Variants in TBC1D5 observed in about 807,000 individuals in gnomAD.
TBC1D5 encodes TBC1 domain family member 5, also known as TBC1 domain family, member 5.
A neutral mutation model predicts 100.3 loss-of-function variants in TBC1D5; 75 were observed. That is an observed-to-expected ratio of 0.75 (90% CI 0.62 to 0.91). TBC1D5 has a LOEUF of 0.91. Among genes scored for constraint, TBC1D5 ranks in the 40% least tolerant of loss-of-function variants. TBC1D5 has a pLI of 0.00. For synonymous variants in TBC1D5, 323 were observed against 325.6 expected (o/e 0.99, Z 0.09); for missense variants, 910 against 942.4 (o/e 0.97, Z 0.45).
intron 18 of TBC1D5, among the ~76,000 whole-genome samples, chr3:17,203,446 A>G (rs2071740838): frequency 6.6e-6 from 1 of 152,202 alleles, no homozygotes; most frequent in Non-Finnish European, 1.5e-5. Context: ...GAGTTAAGAC[A>G]GGACTGTTGA....
chr3:17,735,282 A>T (rs2153994543), intron 1 of TBC1D5, among the ~76,000 whole-genome samples: 1 of 152,320 alleles, frequency 6.6e-6, no homozygotes, highest in East Asian at 1.9e-4. Flanking sequence ...AGGACTACTT[A>T]TGGTACATTC....
At chr3:17,711,137 G>A (rs1056675321) in intron 1 of TBC1D5, among the ~76,000 whole-genome samples, 5 of 152,042 alleles carry the variant, frequency 3.3e-5, no homozygotes, top group Admixed American at 6.6e-5. Context: ...TGAGATGGTC[G>A]TATGAGGCAA....
At chr3:17,217,893 T>C (rs1271368068) in intron 17 of TBC1D5, among the ~76,000 whole-genome samples, 4 of 152,058 alleles carry the variant, frequency 2.6e-5, no homozygotes, top group Non-Finnish European at 4.4e-5. Context: ...TTTTTTCTTT[T>C]GTTGCTTGTG....
chr3:17,387,708 A>G (rs2093210139), intron 8 of TBC1D5, among the ~76,000 whole-genome samples: 1 of 151,646 alleles, frequency 6.6e-6, no homozygotes, highest in African/African-American at 2.4e-5. Context: ...AGTAATTTGA[A>G]CATCAGTCTA....
intron 1 of TBC1D5, among the ~76,000 whole-genome samples, chr3:17,654,806 G>A (rs1274668092): frequency 6.6e-6 from 1 of 151,988 alleles, no homozygotes; most frequent in Non-Finnish European, 1.5e-5. Context: ...CTTTTTGGTT[G>A]GTAAGCTATT....
chr3:17,521,025 C>A (rs1381618221), intron 2 of TBC1D5, among the ~76,000 whole-genome samples: 1 of 152,156 alleles, frequency 6.6e-6, no homozygotes, highest in Non-Finnish European at 1.5e-5. Context: ...TCCACAGAAT[C>A]TTGTTTTTCA....
intron 2 of TBC1D5, chr3:17,562,115 G>T (rs2096562966): frequency 6.6e-6 from 1 of 151,956 alleles, no homozygotes; most frequent in South Asian, 2.1e-4. Context: ...CTATATTCCA[G>T]CCTGGATGAC....
intron 18 of TBC1D5, among the ~76,000 whole-genome samples, chr3:17,186,214 G>GA (rs1397053786): frequency 6.7e-5 from 10 of 148,272 alleles, no homozygotes; most frequent in South Asian, 4.3e-4. Context: ...AAAAAAGAAG[G>GA]AAAAAAAAAC....
At chr3:17,550,236 T>C (rs2096460720) in intron 2 of TBC1D5, among the ~76,000 whole-genome samples, 1 of 152,124 alleles carries the variant, frequency 6.6e-6, no homozygotes, top group Non-Finnish European at 1.5e-5. Context: ...ACTAAAGTAT[T>C]TGTTAGGAAA....
rs148468556 is a variant in TBC1D5 at position 17,427,122 on chromosome 3, A to G, written c.167+1328T>C. ...CTTTATATTATACTTCAGGACTCAG[A>G]AAGCATTTGGACAATTCCAATATTT... On this transcript the variant is annotated intron_variant, in intron 4 of 21. Transcript: ENST00000253692. Among the ~76,000 whole-genome samples the G allele has an allele frequency of 8.0e-3, 1,218 of 152,106 alleles. 9 individuals carry two copies. The highest frequency in any genetic ancestry group is 0.012 in the Non-Finnish European group (826 of 67,856).
intron 12 of TBC1D5, 35 bp downstream of exon 12, chr3:17,374,436 G>A (rs1295087286): frequency 1.9e-6 from 3 of 1,581,716 alleles, no homozygotes; most frequent in Admixed American, 3.5e-5. Context: ...TTGCTCCATA[G>A]CATATACTGA....
chr3:17,725,623 T>C (rs970400159), intron 1 of TBC1D5, among the ~76,000 whole-genome samples: 2 of 152,198 alleles, frequency 1.3e-5, no homozygotes, highest in Admixed American at 6.5e-5. Context: ...CTCCTCAGAA[T>C]GTGGCAAATG....
intron 2 of TBC1D5, among the ~76,000 whole-genome samples, chr3:17,611,853 G>A (rs1180301137): frequency 6.6e-6 from 1 of 152,188 alleles, no homozygotes; most frequent in East Asian, 1.9e-4. Flanking sequence ...ATTATCTCAA[G>A]TAGTTCTATC....
chr3:17,665,671 T>A (rs2067181076), intron 1 of TBC1D5, among the ~76,000 whole-genome samples: 2 of 152,228 alleles, frequency 1.3e-5, no homozygotes, highest in African/African-American at 4.8e-5. Flanking sequence ...TTTTTCCTGA[T>A]CAGTGTGCTG....
intron 2 of TBC1D5, among the ~76,000 whole-genome samples, chr3:17,593,036 G>A (rs2060333934): frequency 6.6e-6 from 1 of 152,138 alleles, no homozygotes; most frequent in African/African-American, 2.4e-5. Context: ...GTATACACAT[G>A]ATCGGACTCA....
intron 2 of TBC1D5, among the ~76,000 whole-genome samples, chr3:17,536,555 G>T (rs2096283424): frequency 6.6e-6 from 1 of 152,126 alleles, no homozygotes; most frequent in South Asian, 2.1e-4. Context: ...AAATTGTAAA[G>T]GGTTTATTCT....
intron 15 of TBC1D5, among the ~76,000 whole-genome samples, chr3:17,268,551 T>C (rs1353390619): frequency 6.6e-6 from 1 of 152,158 alleles, no homozygotes; most frequent in Non-Finnish European, 1.5e-5. Flanking sequence ...GTGGCTGGTA[T>C]GATCATTAGT....
At chr3:17,485,988 T>C (rs2095561519) in intron 3 of TBC1D5, among the ~76,000 whole-genome samples, 1 of 152,002 alleles carries the variant, frequency 6.6e-6, no homozygotes. Context: ...TTTCTCCACA[T>C]CCTCTCCAGC....
At chr3:17,213,094 A>G (rs1195106934) in intron 18 of TBC1D5, among the ~76,000 whole-genome samples, 1 of 152,150 alleles carries the variant, frequency 6.6e-6, no homozygotes, top group Non-Finnish European at 1.5e-5. Context: ...TTTTTCCTGT[A>G]TACCTTACCT....
Sources: gnomAD v4.1 joint callset for allele counts (sites outside exome capture counted in the v4.1 genomes callset) on GRCh38, gnomAD v4.1.1 for gene constraint, MANE v1.5 for transcripts, NCBI Gene and HGNC (gene_info 2026-07-23, HGNC 2026-07-21) for gene names.